The following PSD3 variants were observed in gnomAD, a reference collection of about 807,000 sequenced individuals.
The protein encoded by PSD3 is PH and SEC7 domain-containing protein 3.
Under a neutral mutation model 105.5 loss-of-function variants are expected in PSD3, and 49 were observed. That is an observed-to-expected ratio of 0.46 (90% CI 0.37 to 0.59). The LOEUF (loss-of-function observed/expected upper bound fraction) is 0.59. Ranked by LOEUF, PSD3 falls within the 20% of genes least tolerant of loss-of-function variation. PSD3 has a pLI of 0.00. For missense variants in PSD3, 1,561 were observed against 1,263.8 expected (o/e 1.24, Z -3.57); for synonymous variants, 557 against 457.8 (o/e 1.22, Z -2.77).
intron 15 of PSD3, among the ~76,000 whole-genome samples, chr8:18,539,240 C>G (rs927161845): frequency 3.9e-5 from 6 of 152,096 alleles, no homozygotes; most frequent in Non-Finnish European, 8.8e-5. Context: ...GATTTGAGGA[C>G]AAAATAAAAT....
chr8:18,902,969 G>A (rs1015795713), intron 2 of PSD3, among the ~76,000 whole-genome samples: 1 of 152,194 alleles, frequency 6.6e-6, no homozygotes, highest in Admixed American at 6.5e-5. Flanking sequence ...ACAGCACTGA[G>A]TTGCTTGGAG....
intron 2 of PSD3, among the ~76,000 whole-genome samples, chr8:18,900,330 T>C (rs77830505): frequency 0.014 from 2,114 of 152,264 alleles, 43 homozygotes; most frequent in African/African-American, 0.048. Context: ...ATTTTCAATA[T>C]AAAAAAGTTC....
intron 4 of PSD3, among the ~76,000 whole-genome samples, chr8:18,853,943 T>A (rs1815793020): frequency 6.6e-6 from 1 of 152,198 alleles, no homozygotes. Context: ...AATTAACATA[T>A]GATCATTTTC....
intron 1 of PSD3, among the ~76,000 whole-genome samples, chr8:18,980,715 T>C (rs1825207852): frequency 2.6e-5 from 4 of 152,128 alleles, no homozygotes; most frequent in African/African-American, 9.7e-5. Context: ...GGGCTTTCAT[T>C]ATCCTAGAAA....
intron 1 of PSD3, among the ~76,000 whole-genome samples, chr8:19,082,693 AG>A (rs1375486257): frequency 6.6e-6 from 1 of 152,138 alleles, no homozygotes; most frequent in East Asian, 1.9e-4. Flanking sequence ...CGAAGGCGGG[AG>A]GGGAGAGTGG....
At chr8:18,571,595 C>G (rs1802145014) in intron 14 of PSD3, among the ~76,000 whole-genome samples, 1 of 152,162 alleles carries the variant, frequency 6.6e-6, no homozygotes, top group African/African-American at 2.4e-5. Flanking sequence ...AGGATCTGGC[C>G]TTCATCTGCC....
chr8:18,941,295 A>C (rs1822521136), intron 1 of PSD3, among the ~76,000 whole-genome samples: 5 of 152,172 alleles, frequency 3.3e-5, no homozygotes. Context: ...TCTCACACAA[A>C]TGCTTCAAGT....
intron 2 of PSD3, among the ~76,000 whole-genome samples, chr8:18,907,782 T>C (rs1819943682): frequency 6.6e-6 from 1 of 152,248 alleles, no homozygotes; most frequent in Non-Finnish European, 1.5e-5. Flanking sequence ...AACAACCCCG[T>C]GAATACAACA....
chr8:18,560,203 C>CGTGT (rs1563322089), intron 14 of PSD3, among the ~76,000 whole-genome samples: 1 of 151,542 alleles, frequency 6.6e-6, no homozygotes, highest in Non-Finnish European at 1.5e-5. Context: ...CACACACACA[C>CGTGT]ACACACAAAC....
chr8:18,738,359 G>C (rs971455387), intron 9 of PSD3, among the ~76,000 whole-genome samples: 1 of 151,888 alleles, frequency 6.6e-6, no homozygotes, highest in Non-Finnish European at 1.5e-5. Context: ...TTTATAAAAT[G>C]GGAAGGTTCA....
intron 4 of PSD3, among the ~76,000 whole-genome samples, chr8:18,846,547 T>C (rs1815106559): frequency 6.6e-6 from 1 of 152,218 alleles, no homozygotes; most frequent in Admixed American, 6.5e-5. Flanking sequence ...GGAGGTTGTA[T>C]TCCTGGCAGA....
At chr8:18,728,453 T>A (rs1803490223) in intron 9 of PSD3, among the ~76,000 whole-genome samples, 1 of 152,134 alleles carries the variant, frequency 6.6e-6, no homozygotes, top group African/African-American at 2.4e-5. Context: ...AACGGAAGAC[T>A]TGAAGGGTGA....
rs774525956 is a variant in PSD3, at chr8:18,867,769, G to T, written c.1539C>A (p.Ile513=). 1 of 1,614,022 alleles carries T rather than the reference G, an allele frequency of 6.2e-7. No homozygotes were observed. Among genetic ancestry groups the T allele is most frequent in the Admixed American group, 1.7e-5 (1 of 60,004 alleles). ...TGACGCCACTAGAATAGCCCATCAC[G>T]ATGCCACCATCTGCAGACACACTCA... ...DILSVSADGG[I]VMGYSSGVTN... The change falls in exon 4 of 16, where the codon ATC becomes ATA. Residue 513 remains isoleucine, a synonymous_variant. Transcript: ENST00000327040.
chr8:18,697,777 T>C (rs994533605), intron 9 of PSD3, among the ~76,000 whole-genome samples: 1 of 152,126 alleles, frequency 6.6e-6, no homozygotes, highest in Non-Finnish European at 1.5e-5. Context: ...TGAAATAACC[T>C]CTCCAGTTCC....
intron 9 of PSD3, among the ~76,000 whole-genome samples, chr8:18,668,729 TA>T (rs1799619505): frequency 6.6e-6 from 1 of 152,160 alleles, no homozygotes; most frequent in Non-Finnish European, 1.5e-5. Context: ...ATACATACTT[TA>T]AAGTCAGTAT....
intron 15 of PSD3, among the ~76,000 whole-genome samples, chr8:18,539,854 A>G (rs748146606): frequency 2.8e-4 from 43 of 152,148 alleles, no homozygotes; most frequent in Non-Finnish European, 5.3e-4. Context: ...CCAGTAAATT[A>G]CTTTTTAAAG....
chr8:18,872,884 A>C, intron 2 of PSD3, 151 bp from the exon 3 acceptor site: 2 of 737,810 alleles, frequency 2.7e-6, no homozygotes, highest in South Asian at 2.3e-5. Context: ...TGTAACACAC[A>C]CTCCTCATGA....
At chr8:18,643,140 G>A (rs1585478259) in intron 10 of PSD3, among the ~76,000 whole-genome samples, 1 of 152,296 alleles carries the variant, frequency 6.6e-6, no homozygotes, top group African/African-American at 2.4e-5. Context: ...CAAGGGTCCT[G>A]AATCTGATGA....
chr8:18,828,917 G>A (rs1813445714), intron 4 of PSD3, among the ~76,000 whole-genome samples: 1 of 152,084 alleles, frequency 6.6e-6, no homozygotes, highest in Admixed American at 6.6e-5. Context: ...TGGCCAACAT[G>A]GTGAAACCCT....
Sources: allele counts gnomAD v4.1 joint callset (sites outside exome capture counted in the v4.1 genomes callset), GRCh38; gene constraint gnomAD v4.1.1; transcripts MANE v1.5; gene names NCBI Gene and HGNC (gene_info 2026-07-23, HGNC 2026-07-21).